The following RNFT2 variants were observed in gnomAD, a reference collection of about 807,000 sequenced individuals.
RNFT2 encodes the protein E3 ubiquitin-protein ligase RNFT2.
In RNFT2, 36 loss-of-function variants were observed where a neutral mutation model predicts 53.0. That is an observed-to-expected ratio of 0.68 (90% CI 0.52 to 0.90). The LOEUF is 0.90. Among genes scored for constraint, RNFT2 ranks in the 40% least tolerant of loss-of-function variants. The pLI is 0.00. For missense variants in RNFT2, 514 were observed against 585.6 expected, an observed-to-expected ratio of 0.88 and a Z score of 1.26; for synonymous variants, 260 against 253.2, an observed-to-expected ratio of 1.03 and a Z score of -0.26.
chr12:116,783,425 C>A (rs1041104785), intron 7 of RNFT2, among the ~76,000 whole-genome samples: 1 of 152,188 alleles, frequency 6.6e-6, no homozygotes, highest in Non-Finnish European at 1.5e-5. Flanking sequence ...ACAGGTCTGG[C>A]CAGTGAAGGT....
chr12:116,842,596 CAG>C (rs1196817997), intron 10 of RNFT2, among the ~76,000 whole-genome samples: 1 of 151,696 alleles, frequency 6.6e-6, no homozygotes, highest in Non-Finnish European at 1.5e-5. Context: ...TTGTTTGAGA[CAG>C]AGTCTCCCTC....
At chr12:116,834,880 C>T (rs190804321) in intron 8 of RNFT2, among the ~76,000 whole-genome samples, 6 of 148,098 alleles carry the variant, frequency 4.1e-5, no homozygotes, top group East Asian at 2.0e-4. Context: ...GACCGAGTCT[C>T]GCTCTGTTGC....
intron 7 of RNFT2, among the ~76,000 whole-genome samples, chr12:116,792,083 T>C (rs1031143464): frequency 1.3e-5 from 2 of 152,176 alleles, no homozygotes; most frequent in Non-Finnish European, 2.9e-5. Context: ...AGACAGAGTC[T>C]CTGTTGCTCA....
chr12:116,835,926 G>A (rs776349555), intron 8 of RNFT2, 34 bp from the exon 9 acceptor site: 12 of 1,613,126 alleles, frequency 7.4e-6, no homozygotes, highest in East Asian at 2.2e-5. Flanking sequence ...TGATCCTTGG[G>A]TACATTTCAG....
intron 7 of RNFT2, among the ~76,000 whole-genome samples, chr12:116,828,876 C>G (rs1157721907): frequency 3.3e-5 from 5 of 151,868 alleles, no homozygotes; most frequent in Admixed American, 3.3e-4. Flanking sequence ...CATGGTGGCT[C>G]ACATCTGTAG....
intron 10 of RNFT2, among the ~76,000 whole-genome samples, chr12:116,844,165 G>A (rs141787461): frequency 0.016 from 2,382 of 152,048 alleles, 204 homozygotes; most frequent in Admixed American, 0.14. Context: ...TGCATCGCCT[G>A]CGAGGAGGTC....
intron 3 of RNFT2, among the ~76,000 whole-genome samples, chr12:116,743,865 C>T (rs1871765657): frequency 6.6e-6 from 1 of 152,172 alleles, no homozygotes; most frequent in African/African-American, 2.4e-5. Context: ...CCTGTGGTGA[C>T]TTTGATACAT....
intron 4 of RNFT2, among the ~76,000 whole-genome samples, chr12:116,750,875 T>TTAC (rs1872199067): frequency 8.1e-4 from 1 of 1,234 alleles, no homozygotes; most frequent in Non-Finnish European, 4.1e-3. Flanking sequence ...ATATATAATA[T>TTAC]ATATATTATA....
Position 116,741,073 on chromosome 12 carries a change from C to T in RNFT2, c.62C>T (p.Thr21Met), listed in dbSNP as rs1871584812. 12 of 1,610,754 alleles carry T rather than the reference C, an allele frequency of 7.4e-6. No individual in the cohort carries two copies. The highest frequency in any genetic ancestry group is 1.3e-5 in the African/African-American group (1 of 74,860). ...RKMQRRHSSN[T>M]DNIPPERNRS... The stretch of plus-strand genomic sequence containing the variant: ...ATGCAGAGACGCCACAGCAGCAACA[C>T]GGATAACATTCCACCTGAAAGGTAG... The change falls in exon 3 of 11, where the codon ACG (threonine) becomes ATG (methionine). Residue 21 changes from threonine to methionine, a missense_variant. By Grantham distance (81) the Thr-to-Met change is moderately conservative. Coordinates refer to ENST00000257575, the MANE Select transcript of RNFT2 (RefSeq NM_001382266.1).
At chr12:116,758,921 G>T (rs1431929804) in intron 5 of RNFT2, among the ~76,000 whole-genome samples, 1 of 152,096 alleles carries the variant, frequency 6.6e-6, no homozygotes, top group Non-Finnish European at 1.5e-5. Context: ...GCAAGGCCGG[G>T]GACGTTTTCC....
intron 5 of RNFT2, among the ~76,000 whole-genome samples, chr12:116,756,494 G>T (rs1426403248): frequency 6.6e-6 from 1 of 152,034 alleles, no homozygotes; most frequent in Non-Finnish European, 1.5e-5. Flanking sequence ...TTACACTAAG[G>T]TATGTCCCTT....
chr12:116,842,255 A>G (rs1040736554), intron 10 of RNFT2, among the ~76,000 whole-genome samples: 2 of 151,990 alleles, frequency 1.3e-5, no homozygotes, highest in African/African-American at 4.8e-5. Flanking sequence ...GGGACACCCC[A>G]TCACCTTCAC....
intron 4 of RNFT2, among the ~76,000 whole-genome samples, chr12:116,752,323 C>T (rs1216398196): frequency 5.9e-5 from 9 of 152,196 alleles, no homozygotes; most frequent in Non-Finnish European, 1.2e-4. Context: ...CTATCAGCCC[C>T]ACCCTTTCTA....
At chr12:116,805,568 G>A (rs374653767) in intron 7 of RNFT2, among the ~76,000 whole-genome samples, 7 of 152,108 alleles carry the variant, frequency 4.6e-5, no homozygotes, top group Admixed American at 3.9e-4. Context: ...TTCGCCTCCC[G>A]GGTTCCAGCA....
In RNFT2 at chr12:116,750,211, G is replaced by T. The variant is rs745918547; in HGVS notation, c.454G>T (p.Ala152Ser). Residue 152 changes from alanine to serine, a missense_variant, in exon 4 of 11, where the codon GCC becomes TCC. By Grantham distance (99) the Ala-to-Ser change is moderately conservative. Coordinates refer to ENST00000257575, the MANE Select transcript of RNFT2 (RefSeq NM_001382266.1). ...CGAGCAGCCTGGGACGCCCGCCCCC[G>T]CCCTGTCCGAGCTGAAGGCTGTGAT... The part of the protein sequence containing the change: ...GDEQPGTPAP[A>S]LSELKAVICW... 4 of 1,605,154 alleles carry T rather than the reference G, an allele frequency of 2.5e-6. No homozygotes were observed. The African/African-American group carries it at 5.3e-5, about 21-fold the overall frequency.
intron 7 of RNFT2, among the ~76,000 whole-genome samples, chr12:116,785,118 G>T (rs753827140): frequency 6.6e-6 from 1 of 151,726 alleles, no homozygotes. Flanking sequence ...CTCCTGTCTC[G>T]GCCTCTTGCA....
In RNFT2 at chr12:116,842,916, C is replaced by G. The variant is rs895100031; in HGVS notation, c.1201-6398C>G. The stretch of plus-strand genomic sequence containing the variant: ...GGGTAGTGGCTCATAACTGCCTGTT[C>G]TCCTCCTCACCTGCATTCATCCACC... On this transcript the variant is annotated intron_variant, in intron 10 of 10. Coordinates refer to ENST00000257575, the MANE Select transcript of RNFT2 (RefSeq NM_001382266.1). 3.3e-5 allele frequency among the ~76,000 whole-genome samples: 5 copies of G among 152,152 alleles called. No homozygotes were observed. In the East Asian group the frequency reaches 9.6e-4, roughly 29 times the overall value.
At chr12:116,822,870 G>A (rs539136564) in intron 7 of RNFT2, among the ~76,000 whole-genome samples, 8 of 152,068 alleles carry the variant, frequency 5.3e-5, no homozygotes, top group Admixed American at 6.5e-5. Context: ...GGTGGTGCAC[G>A]CCTATAATCC....
chr12:116,828,758 G>A (rs1159340266), intron 7 of RNFT2, among the ~76,000 whole-genome samples: 1 of 152,010 alleles, frequency 6.6e-6, no homozygotes, highest in African/African-American at 2.4e-5. Flanking sequence ...AAGGAAGAAA[G>A]GAAATACAGA....
Sources: gnomAD v4.1 joint callset for allele counts (sites outside exome capture counted in the v4.1 genomes callset) on GRCh38, gnomAD v4.1.1 for gene constraint, MANE v1.5 for transcripts, NCBI Gene and HGNC (gene_info 2026-07-23, HGNC 2026-07-21) for gene names.